The following PDXDC1 variants were observed in gnomAD, a reference collection of about 807,000 sequenced individuals.
The protein encoded by PDXDC1 is pyridoxal dependent decarboxylase domain containing 1, also known as pyridoxal-dependent decarboxylase domain-containing protein 1.
In PDXDC1, 42 loss-of-function variants were observed where a neutral mutation model predicts 100.1. The ratio of observed to expected loss-of-function variants is 0.42; its 90% CI spans 0.33 to 0.54. The LOEUF is 0.54. Among genes scored for constraint, PDXDC1 ranks in the 20% least tolerant of loss-of-function variants. The pLI is 0.10. For missense variants in PDXDC1, 636 were observed against 979.2 expected, an observed-to-expected ratio of 0.65 and a Z score of 4.68; for synonymous variants, 260 against 371.7, an observed-to-expected ratio of 0.70 and a Z score of 3.46.
chr16:14,998,273 C>T (rs1972427819), intron 2 of PDXDC1, 67 bp from the exon 3 acceptor site: 5 of 1,528,344 alleles, frequency 3.3e-6, no homozygotes, highest in Non-Finnish European at 4.5e-6. Flanking sequence ...GTCATGTTTG[C>T]ATATTCAGGA....
chr16:15,009,397 G>A (rs2041068442), intron 7 of PDXDC1: 1 of 546,302 alleles, frequency 1.8e-6, no homozygotes, highest in Non-Finnish European at 3.1e-6. Context: ...TTTTAGGAGA[G>A]TTAAGAGAAC....
intron 16 of PDXDC1, among the ~76,000 whole-genome samples, chr16:15,080,805 C>A (rs1482722200): frequency 1.4e-5 from 2 of 138,750 alleles, no homozygotes; most frequent in Non-Finnish European, 3.2e-5. Context: ...CCTTGGCAAC[C>A]ACTAGTCTTT....
the PDXDC1 span, among the ~76,000 whole-genome samples, chr16:15,149,808 G>A: frequency 2.6e-5 from 4 of 151,664 alleles, no homozygotes; most frequent in East Asian, 5.8e-4. Flanking sequence ...CTTTAGAGCA[G>A]GGGGCCCTGA....
chr16:14,978,843 G>A (rs1967297676), intron 1 of PDXDC1, among the ~76,000 whole-genome samples: 1 of 152,288 alleles, frequency 6.6e-6, no homozygotes, highest in Non-Finnish European at 1.5e-5. Context: ...ACTTAAAGCA[G>A]TTTCTCAGCG....
intron 16 of PDXDC1, among the ~76,000 whole-genome samples, chr16:15,126,485 CCCA>C (rs1206766791): frequency 7.9e-6 from 1 of 127,194 alleles, no homozygotes; most frequent in African/African-American, 2.8e-5. Context: ...TCTTGAGGAC[CCCA>C]CGTGTGCATT....
intron 12 of PDXDC1, among the ~76,000 whole-genome samples, chr16:15,019,624 G>T (rs796549298): frequency 1.3e-5 from 2 of 152,400 alleles, no homozygotes; most frequent in African/African-American, 4.8e-5. Context: ...CATAGATAGT[G>T]CCTTGCATGT....
intron 16 of PDXDC1, chr16:15,085,653 T>A: frequency 6.2e-7 from 1 of 1,613,458 alleles, no homozygotes; most frequent in East Asian, 2.2e-5. Flanking sequence ...ATCTTCATCA[T>A]CAGAATCTGA....
chr16:15,076,761 G>A (rs2045473461), intron 16 of PDXDC1: 12 of 719,406 alleles, frequency 1.7e-5, no homozygotes, highest in Admixed American at 4.4e-5. Context: ...CCAGATTAGT[G>A]CCTTATATCA....
intron 16 of PDXDC1, among the ~76,000 whole-genome samples, chr16:15,087,382 TA>T (rs1309462265): frequency 1.3e-5 from 2 of 152,156 alleles, no homozygotes; most frequent in Non-Finnish European, 2.9e-5. Context: ...GAACGATTAA[TA>T]AGCAATCTGC....
rs1456002682 is a variant in PDXDC1 at position 15,111,780 on chromosome 16, T to A, written c.1400-27099T>A. On this transcript the variant is annotated intron_variant, in intron 16 of 16. Coordinates refer to the PDXDC1 transcript ENST00000535621. ...TCAAAAAAAAAAAAAAAAAAAAAAA[T>A]GACATGAATATACTTCACACAACTG... 8.7e-4 allele frequency among the ~76,000 whole-genome samples: 81 copies of A among 92,574 alleles called. 1 individual carries two copies. Among genetic ancestry groups the A allele is most frequent in the Middle Eastern group, 6.8e-3 (1 of 148 alleles). The allele number at this position is 92,574 out of a possible 152,430, so 60.7% of individuals were successfully genotyped here. A position where few individuals can be genotyped will look rare whatever the true frequency, so the allele number is the denominator to read the frequency against.
At chr16:15,140,580 A>G (rs2048456217), downstream of PDXDC1, among the ~76,000 whole-genome samples, 1 of 152,184 alleles carries the variant, frequency 6.6e-6, no homozygotes, top group African/African-American at 2.4e-5. Context: ...CATGGGAAAG[A>G]CATCCCATGT....
intron 16 of PDXDC1, chr16:15,133,129 G>A (rs1567314276): frequency 2.4e-5 from 16 of 672,606 alleles, no homozygotes; most frequent in Non-Finnish European, 1.3e-5. Flanking sequence ...GAACGTCGGG[G>A]TGCTGCTTCA....
chr16:14,992,212 G>A (rs1439189448), intron 1 of PDXDC1, among the ~76,000 whole-genome samples: 3 of 152,278 alleles, frequency 2.0e-5, no homozygotes, highest in African/African-American at 7.2e-5. Context: ...CTAGATTTTT[G>A]GTTTAGGAAA....
downstream of PDXDC1, chr16:15,041,786 C>T (rs1567757163): frequency 7.6e-6 from 6 of 788,812 alleles, no homozygotes; most frequent in Admixed American, 7.1e-5. Context: ...GAGTGTGCTC[C>T]GCCCTACAGC....
chr16:15,135,785 G>C (rs1290835959), intron 16 of PDXDC1: 2 of 1,586,758 alleles, frequency 1.3e-6, no homozygotes, highest in African/African-American at 2.7e-5. Context: ...GCCACCCTCA[G>C]TGATGGGCAC....
intron 16 of PDXDC1, chr16:15,074,844 A>G (rs367546639): frequency 2.5e-6 from 4 of 1,610,514 alleles, no homozygotes; most frequent in Non-Finnish European, 2.5e-6. Context: ...TTTCATGTTC[A>G]GTTTCTTCAT....
At chr16:15,114,926 A>ATTT (rs2047189847) in intron 16 of PDXDC1, among the ~76,000 whole-genome samples, 2 of 94,806 alleles carry the variant, frequency 2.1e-5, no homozygotes, top group African/African-American at 3.1e-5. Flanking sequence ...AAAAAAAAAA[A>ATTT]ATTTTTTTTT....
At chr16:15,148,316 C>G in the PDXDC1 span, among the ~76,000 whole-genome samples, 1 of 150,534 alleles carries the variant, frequency 6.6e-6, no homozygotes, top group Non-Finnish European at 1.5e-5. Context: ...TCTTCTCACA[C>G]GCTGTTGGCC....
chr16:14,999,073 ACT>A (rs1280420538), intron 3 of PDXDC1, among the ~76,000 whole-genome samples: 16 of 152,246 alleles, frequency 1.1e-4, no homozygotes, highest in African/African-American at 3.6e-4. Context: ...TGATAGAGAC[ACT>A]CTCTAATTTT....
Sources: gnomAD v4.1 joint callset for allele counts (sites outside exome capture counted in the v4.1 genomes callset) on GRCh38, gnomAD v4.1.1 for gene constraint, MANE v1.5 for transcripts, NCBI Gene and HGNC (gene_info 2026-07-23, HGNC 2026-07-21) for gene names.